The following SENP6 variants were observed in gnomAD, a reference collection of about 807,000 sequenced individuals.
SENP6 encodes sentrin-specific protease 6.
A neutral mutation model predicts 134.5 loss-of-function variants in SENP6; 41 were observed. That is an observed-to-expected ratio of 0.30 (90% CI 0.24 to 0.40). SENP6 has a LOEUF of 0.40. SENP6 is among the 10% of genes least tolerant of loss of function. SENP6 has a pLI of 1.00. For synonymous variants in SENP6, 395 were observed against 429.8 expected, an observed-to-expected ratio of 0.92 and a Z score of 1.00; for missense variants, 1,248 against 1,312.5, an observed-to-expected ratio of 0.95 and a Z score of 0.76.
At chr6:75,622,923 C>G in intron 2 of SENP6, 1 of 697,328 alleles carries the variant, frequency 1.4e-6, no homozygotes, top group Non-Finnish European at 2.0e-6. Flanking sequence ...TATACTTTTT[C>G]TGATTACTTT....
At chr6:75,691,739 C>T (rs1031640368) in intron 16 of SENP6, among the ~76,000 whole-genome samples, 4 of 152,066 alleles carry the variant, frequency 2.6e-5, no homozygotes, top group Non-Finnish European at 4.4e-5. Context: ...GGACCACAGG[C>T]GCCTGCCACC....
At chr6:75,639,625 A>T (rs1769875869) in intron 5 of SENP6, among the ~76,000 whole-genome samples, 1 of 152,118 alleles carries the variant, frequency 6.6e-6, no homozygotes, top group Non-Finnish European at 1.5e-5. Context: ...TTTATTCTAA[A>T]TTGAGGGCTT....
rs569024857 is a variant in SENP6 at position 75,708,272 on chromosome 6, G to C, written c.2717-1255G>C. ...AGACAGGGTTTCACCATGTTAGCCA[G>C]TCTGGATTATATATCTTTTCAGATT... On this transcript the variant is annotated intron_variant, in intron 19 of 23. Coordinates refer to ENST00000447266, the MANE Select transcript of SENP6 (RefSeq NM_015571.4). 3.0e-4 allele frequency among the ~76,000 whole-genome samples: 45 copies of C among 152,252 alleles called. No homozygotes were observed. In the South Asian group the frequency reaches 5.2e-3, roughly 18 times the overall value.
At chr6:75,610,421 T>C (rs1767356981) in intron 1 of SENP6, among the ~76,000 whole-genome samples, 1 of 152,226 alleles carries the variant, frequency 6.6e-6, no homozygotes, top group Non-Finnish European at 1.5e-5. Flanking sequence ...TAATCCATTA[T>C]TGTGAACTGC....
chr6:75,628,644 A>C (rs1334128273), intron 3 of SENP6, among the ~76,000 whole-genome samples: 1 of 152,210 alleles, frequency 6.6e-6, no homozygotes, highest in African/African-American at 2.4e-5. Flanking sequence ...CTTTTTTGTT[A>C]GATACCAGTG....
chr6:75,698,649 T>A (rs965670280), intron 18 of SENP6, among the ~76,000 whole-genome samples: 8 of 152,234 alleles, frequency 5.3e-5, no homozygotes. Flanking sequence ...TATATATTTT[T>A]AAATTCATAT....
chr6:75,717,924 G>A lies in SENP6; in HGVS notation c.*2330G>A, dbSNP rs190936309. On this transcript the variant is annotated 3_prime_UTR_variant, in exon 24 of 24. Transcript: ENST00000447266. ...TTGTTGGTTTAGGAGCAGAAGTGGT[G>A]TTTAGTCCCTTCCCGTTAATGTTGC... The A allele has an allele frequency of 6.6e-6, 1 of 152,290 alleles. No individual in the cohort carries two copies. The highest frequency in any genetic ancestry group is 1.9e-4 in the East Asian group (1 of 5,192). The allele number at this position is 152,290 out of a possible 1,614,324, so 9.4% of individuals were successfully genotyped here. A position where few individuals can be genotyped will look rare whatever the true frequency, so the allele number is the denominator to read the frequency against.
chr6:75,666,236 G>T (rs1582810301), intron 9 of SENP6, among the ~76,000 whole-genome samples: 1 of 115,544 alleles, frequency 8.7e-6, no homozygotes. Flanking sequence ...TATAAAATAT[G>T]ATATATAAAA....
intron 17 of SENP6, 143 bp downstream of exon 17, chr6:75,696,066 T>A: frequency 3.0e-6 from 2 of 661,984 alleles, no homozygotes; most frequent in South Asian, 3.4e-5. Context: ...GAGAACACAC[T>A]AAATAAATCA....
chr6:75,616,447 TG>T (rs1214064709), intron 1 of SENP6, among the ~76,000 whole-genome samples: 5 of 152,088 alleles, frequency 3.3e-5, no homozygotes, highest in African/African-American at 9.7e-5. Context: ...TGATTGAGTT[TG>T]TTAGAATTAT....
chr6:75,711,774 G>T (rs1345890257), intron 21 of SENP6, among the ~76,000 whole-genome samples: 2 of 152,216 alleles, frequency 1.3e-5, no homozygotes, highest in African/African-American at 4.8e-5. Context: ...CCAGGTTCAA[G>T]CGATTCTCAT....
chr6:75,642,467 G>T (rs1176399659), intron 6 of SENP6, among the ~76,000 whole-genome samples: 2 of 152,212 alleles, frequency 1.3e-5, no homozygotes, highest in African/African-American at 4.8e-5. Context: ...GGCTTTTCCA[G>T]ATAGGGAAGA....
At chr6:75,614,213 C>G (rs1308264177) in intron 1 of SENP6, among the ~76,000 whole-genome samples, 1 of 150,258 alleles carries the variant, frequency 6.7e-6, no homozygotes, top group Non-Finnish European at 1.5e-5. Context: ...ACTTTGATCA[C>G]TTAGTTAAGG....
At chr6:75,659,227 A>G (rs1562015690) in intron 7 of SENP6, 35 bp from the exon 8 acceptor site, 2 of 1,520,724 alleles carry the variant, frequency 1.3e-6, no homozygotes, top group East Asian at 2.3e-5. Flanking sequence ...TATTTTAACT[A>G]AAACTTAAAG....
chr6:75,657,784 G>T (rs781065985), intron 7 of SENP6, among the ~76,000 whole-genome samples: 2 of 152,262 alleles, frequency 1.3e-5, no homozygotes, highest in Non-Finnish European at 2.9e-5. Flanking sequence ...CTAGAGTGGG[G>T]CAGAGGCAGC....
At chr6:75,647,668 A>G in intron 6 of SENP6, 63 bp from the exon 7 acceptor site, 1 of 1,144,894 alleles carries the variant, frequency 8.7e-7, no homozygotes, top group Non-Finnish European at 1.3e-6. Flanking sequence ...GTATGCCATT[A>G]ACTTTTTCAT....
rs768863593 is a variant in SENP6, at chr6:75,697,466, G to A, written c.2237G>A (p.Arg746Gln). Reference protein sequence around the residue: ...KRHGRVKTWTRHVDIFEKDFI... With the variant: ...KRHGRVKTWTQHVDIFEKDFI... ...CATGGGAGAGTAAAAACATGGACCCGGCACGTAGATATTTTTGAGAAGGAT... is the reference window on the plus strand; with the variant it reads ...CATGGGAGAGTAAAAACATGGACCCAGCACGTAGATATTTTTGAGAAGGAT... Residue 746 changes from arginine (R) to glutamine (Q), a missense_variant, in exon 18 of 24, where the codon CGG (arginine) becomes CAG (glutamine). This residue lies in a region of SENP6 where 129 missense variants were observed against 192.0 expected (regional missense o/e 0.67). Coordinates refer to ENST00000447266, the MANE Select transcript of SENP6 (RefSeq NM_015571.4). 2 of 1,613,254 alleles carry A rather than the reference G, an allele frequency of 1.2e-6. No homozygotes were observed. Among genetic ancestry groups the A allele is most frequent in the Non-Finnish European group, 1.7e-6 (2 of 1,179,548 alleles).
At chr6:75,646,376 A>G (rs1259929834) in intron 6 of SENP6, 3 of 152,166 alleles carry the variant, frequency 2.0e-5, no homozygotes. Flanking sequence ...TGGCATTGCT[A>G]TTTAATAATT....
intron 10 of SENP6, among the ~76,000 whole-genome samples, chr6:75,669,792 A>G (rs1772525098): frequency 1.3e-5 from 2 of 152,228 alleles, no homozygotes; most frequent in African/African-American, 2.4e-5. Flanking sequence ...CACTGCCACT[A>G]TAACTAGCAG....
Sources: allele counts gnomAD v4.1 joint callset (sites outside exome capture counted in the v4.1 genomes callset), GRCh38; gene constraint gnomAD v4.1.1; regional missense constraint gnomAD v4.1.1; transcripts MANE v1.5; gene names NCBI Gene and HGNC (gene_info 2026-07-23, HGNC 2026-07-21).